THEM4: variants seen among roughly 807,000 people sequenced by gnomAD.
THEM4 encodes the protein acyl-coenzyme A thioesterase THEM4.
A neutral mutation model predicts 25.0 loss-of-function variants in THEM4; 22 were observed. That is an observed-to-expected ratio of 0.88 (90% CI 0.63 to 1.26). The LOEUF (loss-of-function observed/expected upper bound fraction) is 1.26, where lower values mean the gene tolerates loss of function less well. Among genes scored for constraint, THEM4 ranks in the 50% most tolerant of loss-of-function variants. THEM4 has a pLI of 0.00. For synonymous variants in THEM4, 113 were observed against 105.6 expected, an observed-to-expected ratio of 1.07 and a Z score of -0.43; for missense variants, 286 against 300.3, an observed-to-expected ratio of 0.95 and a Z score of 0.35.
chr1:151,877,241 C>T lies in THEM4; in HGVS notation c.558-116G>A, dbSNP rs974917714. 4.7e-6 allele frequency: 5 copies of T among 1,066,832 alleles called. No homozygotes were observed. In the East Asian group the frequency reaches 1.3e-4, roughly 27 times the overall value. The allele number at this position is 1,066,832 out of a possible 1,614,324, so 66.1% of individuals were successfully genotyped here. ...ATTTATGACACCTGACAACAATGAG[C>T]ACTGACTGCCTTAGACAATACATTC... On this transcript the variant is annotated intron_variant, in intron 4 of 5. Coordinates refer to ENST00000368814, the MANE Select transcript of THEM4 (RefSeq NM_053055.5).
intron 4 of THEM4, among the ~76,000 whole-genome samples, chr1:151,882,848 A>G (rs1011077676): frequency 1.3e-5 from 2 of 152,174 alleles, no homozygotes; most frequent in Non-Finnish European, 2.9e-5. Context: ...CTGGGCTGTG[A>G]GATTATAAAA....
chr1:151,876,396 A>G (rs1316992780), intron 5 of THEM4, among the ~76,000 whole-genome samples: 1 of 152,012 alleles, frequency 6.6e-6, no homozygotes, highest in Non-Finnish European at 1.5e-5. Flanking sequence ...TGCAGTTATT[A>G]TACCTGTGAG....
intron 5 of THEM4, among the ~76,000 whole-genome samples, chr1:151,875,394 A>C (rs74228562): frequency 6.6e-6 from 1 of 152,106 alleles, no homozygotes; most frequent in South Asian, 2.1e-4. Context: ...GATACAAAAA[A>C]ATTAGCCATA....
chr1:151,902,073 A>G (rs902968397), intron 1 of THEM4, among the ~76,000 whole-genome samples: 1 of 152,186 alleles, frequency 6.6e-6, no homozygotes, highest in Non-Finnish European at 1.5e-5. Flanking sequence ...CAAAACCACA[A>G]TGCGATACCA....
At chr1:151,877,880 G>T (rs569120683) in intron 4 of THEM4, among the ~76,000 whole-genome samples, 36 of 152,258 alleles carry the variant, frequency 2.4e-4, no homozygotes, top group Non-Finnish European at 4.6e-4. Flanking sequence ...AATTTCAGTT[G>T]GTTGAAACAG....
At chr1:151,898,516 A>C (rs1188417425) in intron 1 of THEM4, among the ~76,000 whole-genome samples, 2 of 152,204 alleles carry the variant, frequency 1.3e-5, no homozygotes, top group East Asian at 3.9e-4. Flanking sequence ...TGGTAGCAGA[A>C]GACAAAGGGC....
At position 151,871,325 on chromosome 1, in the gene THEM4, G is replaced by GAAA. The variant is rs11304399; in HGVS notation, c.*3560_*3562dup. Among the ~76,000 whole-genome samples the GAAA allele has an allele frequency of 8.1e-6, 1 of 123,732 alleles. No individual in the cohort carries two copies. The highest frequency in any genetic ancestry group is 3.1e-5 in the African/African-American group (1 of 32,428). The allele number at this position is 123,732 out of a possible 152,430, so 81.2% of individuals were successfully genotyped here. ...AGGCGACAGAGCCAGACCCTGTCTT[G>GAAA]AAAAAAAAAAAAAAAAAAGAAAAAG... On this transcript the variant is annotated 3_prime_UTR_variant, in exon 6 of 6. Coordinates refer to ENST00000368814, the MANE Select transcript of THEM4 (RefSeq NM_053055.5).
chr1:151,906,598 CCT>C (rs1221084583), intron 1 of THEM4, among the ~76,000 whole-genome samples: 1 of 152,224 alleles, frequency 6.6e-6, no homozygotes, highest in Non-Finnish European at 1.5e-5. Context: ...CAGCTGGGCT[CCT>C]GAGTCTAGTG....
chr1:151,886,186 T>A (rs1653967908), intron 4 of THEM4, among the ~76,000 whole-genome samples: 1 of 152,204 alleles, frequency 6.6e-6, no homozygotes. Context: ...TTGCTCTCTA[T>A]CCATATGACT....
At position 151,903,811 on chromosome 1, in the gene THEM4, C is replaced by T. The variant is rs116806800; in HGVS notation, c.99+5549G>A. Among the ~76,000 whole-genome samples the T allele has an allele frequency of 5.8e-3, 881 of 152,318 alleles. 9 individuals carry two copies. The highest frequency in any genetic ancestry group is 0.02 in the African/African-American group (843 of 41,558). On this transcript the variant is annotated intron_variant, in intron 1 of 5. Transcript: ENST00000368814. Reference sequence around the variant, plus strand: ...CCACTGTCCTTTTATGGATACAGAGCTAATTAAATACTTTTAGGAATTAGA... The same window carrying T: ...CCACTGTCCTTTTATGGATACAGAGTTAATTAAATACTTTTAGGAATTAGA...
intron 2 of THEM4, chr1:151,891,011 A>T (rs1296990751): frequency 6.6e-6 from 1 of 152,224 alleles, no homozygotes; most frequent in East Asian, 1.9e-4. Flanking sequence ...AATGAGAAAA[A>T]TAAGGTCTGG....
rs995161592 is a variant in THEM4, at chr1:151,871,971, T to C, written c.*2917A>G. Among the ~76,000 whole-genome samples the C allele has an allele frequency of 6.6e-6, 1 of 152,216 alleles. No homozygotes were observed. The highest frequency in any genetic ancestry group is 1.5e-5 in the Non-Finnish European group (1 of 68,040). On this transcript the variant is annotated 3_prime_UTR_variant, in exon 6 of 6. Coordinates refer to ENST00000368814, the MANE Select transcript of THEM4 (RefSeq NM_053055.5). ...TTTTTTAACATGTGAAATATAATTA[T>C]TGTAAGAGTCCACTCTCTTAAGTTT... is the stretch of plus-strand genomic sequence containing the variant.
chr1:151,884,413 T>C (rs1487478699), intron 4 of THEM4, among the ~76,000 whole-genome samples: 1 of 152,210 alleles, frequency 6.6e-6, no homozygotes, highest in Non-Finnish European at 1.5e-5. Context: ...CTTACATCAG[T>C]CAGGTATCAA....
intron 5 of THEM4, among the ~76,000 whole-genome samples, chr1:151,875,240 G>A (rs1027029219): frequency 1.3e-5 from 2 of 152,212 alleles, no homozygotes; most frequent in African/African-American, 2.4e-5. Context: ...GAAAGGTTTA[G>A]TGAGACAGGA....
chr1:151,893,198 CCT>C (rs1654130785), intron 2 of THEM4, among the ~76,000 whole-genome samples: 1 of 151,742 alleles, frequency 6.6e-6, no homozygotes, highest in African/African-American at 2.4e-5. Context: ...ATTGTGAAAC[CCT>C]GTCTCTATTA....
intron 1 of THEM4, among the ~76,000 whole-genome samples, chr1:151,898,059 G>T (rs953076553): frequency 1.3e-5 from 2 of 152,210 alleles, no homozygotes; most frequent in African/African-American, 4.8e-5. Context: ...GCTGAACTTT[G>T]TAACAGTTTG....
intron 1 of THEM4, among the ~76,000 whole-genome samples, chr1:151,906,835 C>A (rs1187966700): frequency 6.6e-6 from 1 of 152,088 alleles, no homozygotes; most frequent in African/African-American, 2.4e-5. Flanking sequence ...CGTGGAGAAC[C>A]TTTGTGTCTA....
intron 4 of THEM4, among the ~76,000 whole-genome samples, chr1:151,881,569 CT>C (rs1653813804): frequency 6.6e-6 from 1 of 152,136 alleles, no homozygotes; most frequent in African/African-American, 2.4e-5. Flanking sequence ...CATTTTTGAA[CT>C]TTAGCTTTGC....
At chr1:151,880,062 T>C (rs1185559791) in intron 4 of THEM4, among the ~76,000 whole-genome samples, 2 of 150,112 alleles carry the variant, frequency 1.3e-5, no homozygotes, top group East Asian at 4.0e-4. Flanking sequence ...TCATAGTGCA[T>C]TGCAGCCTTG....
Sources: gnomAD v4.1 joint callset for allele counts (sites outside exome capture counted in the v4.1 genomes callset) on GRCh38, gnomAD v4.1.1 for gene constraint, MANE v1.5 for transcripts, NCBI Gene and HGNC (gene_info 2026-07-23, HGNC 2026-07-21) for gene names.